Variants in KLF12 observed in about 807,000 individuals in gnomAD.
KLF12 encodes Krueppel-like factor 12.
Under a neutral mutation model 37.8 loss-of-function variants are expected in KLF12, and 9 were observed. The observed-to-expected ratio is 0.24, with a 90% CI of 0.14 to 0.42. The LOEUF is 0.42. KLF12 is among the 10% of genes least tolerant of loss of function. KLF12 has a pLI of 1.00. For missense variants in KLF12, 411 were observed against 516.0 expected, an observed-to-expected ratio of 0.80 and a Z score of 1.97; for synonymous variants, 208 against 202.1, an observed-to-expected ratio of 1.03 and a Z score of -0.25.
At chr13:74,271,812 A>G in the KLF12 span, among the ~76,000 whole-genome samples, 1 of 152,096 alleles carries the variant, frequency 6.6e-6, no homozygotes, top group African/African-American at 2.4e-5. Flanking sequence ...TTTCCCTTCA[A>G]ATGTTTGTCG....
intron 1 of KLF12, among the ~76,000 whole-genome samples, chr13:74,040,009 G>T (rs1234852567): frequency 2.0e-5 from 3 of 152,230 alleles, no homozygotes; most frequent in Non-Finnish European, 4.4e-5. Context: ...CAATCTAGAT[G>T]AAAGTATTCA....
At chr13:73,822,214 A>T (rs1883567531) in intron 4 of KLF12, among the ~76,000 whole-genome samples, 1 of 152,250 alleles carries the variant, frequency 6.6e-6, no homozygotes, top group African/African-American at 2.4e-5. Flanking sequence ...GTGAGAGAAA[A>T]GTCACAATCA....
chr13:74,162,597 C>T, the KLF12 span, among the ~76,000 whole-genome samples: 8 of 152,296 alleles, frequency 5.3e-5, no homozygotes, highest in African/African-American at 1.9e-4. Context: ...TTTCTCTTCT[C>T]TTGTATTTCT....
intron 1 of KLF12, among the ~76,000 whole-genome samples, chr13:74,028,923 T>C (rs1893045227): frequency 6.6e-6 from 1 of 152,082 alleles, no homozygotes; most frequent in Non-Finnish European, 1.5e-5. Context: ...TAAAAAAGGT[T>C]TGCAGTTATC....
At chr13:73,898,696 A>G (rs1191915340) in intron 3 of KLF12, among the ~76,000 whole-genome samples, 1 of 152,176 alleles carries the variant, frequency 6.6e-6, no homozygotes, top group Non-Finnish European at 1.5e-5. Flanking sequence ...TCCCAATAGA[A>G]TCTCTCATAA....
chr13:73,903,197 T>C (rs1888114943), intron 3 of KLF12, among the ~76,000 whole-genome samples: 1 of 152,222 alleles, frequency 6.6e-6, no homozygotes, highest in Non-Finnish European at 1.5e-5. Context: ...TTTTAAGCAA[T>C]GCTGGTTTTT....
Position 74,060,484 on chromosome 13 carries a change from T to TTGTGTGTGTGTG in KLF12, c.-31-65443_-31-65432dup, listed in dbSNP as rs60242793. ...CCGTGGTTAAATGTATACCTAGGTT[T>TTGTGTGTGTGTG]TGTGTGTGTGTGTGTGTGTGTGTGT... is the stretch of plus-strand genomic sequence containing the variant. On this transcript the variant is annotated intron_variant, in intron 1 of 7. Transcript: ENST00000377669. Among the ~76,000 whole-genome samples the TTGTGTGTGTGTG allele has an allele frequency of 2.5e-3, 271 of 108,618 alleles. 3 individuals are homozygous for TTGTGTGTGTGTG. Among genetic ancestry groups the TTGTGTGTGTGTG allele is most frequent in the South Asian group, 4.9e-3 (17 of 3,504 alleles). 71.3% of individuals were successfully genotyped at this position (108,618 alleles called of 152,430 possible).
At chr13:73,786,599 A>T (rs1018551823) in intron 5 of KLF12, among the ~76,000 whole-genome samples, 3 of 151,968 alleles carry the variant, frequency 2.0e-5, no homozygotes, top group African/African-American at 7.2e-5. Flanking sequence ...AGCACAGAAC[A>T]AGGCCAGGTG....
chr13:74,072,364 A>AATTATAT (rs1874302552), intron 1 of KLF12, among the ~76,000 whole-genome samples: 1 of 63,064 alleles, frequency 1.6e-5, no homozygotes, highest in South Asian at 8.0e-4. Flanking sequence ...AAGAAATACA[A>AATTATAT]ATATATATAT....
Position 74,072,364 on chromosome 13 carries a change from AATATATATATATATATATAT to A in KLF12, c.-32+61355_-32+61374del, listed in dbSNP as rs773653636. On this transcript the variant is annotated intron_variant, in intron 1 of 7. Coordinates refer to ENST00000377669, the MANE Select transcript of KLF12 (RefSeq NM_007249.5). The stretch of plus-strand genomic sequence containing the variant: ...ATCTTTTTAAGAATTAAGAAATACA[AATATATATATATATATATAT>A]ATATATATATATATATATATATAAA... 1.2e-3 allele frequency among the ~76,000 whole-genome samples: 74 copies of A among 63,064 alleles called. 4 individuals are homozygous for A. The highest frequency in any genetic ancestry group is 2.7e-3 in the Admixed American group (13 of 4,838). The allele number at this position is 63,064 out of a possible 152,430, so 41.4% of individuals were successfully genotyped here. A position where few individuals can be genotyped will look rare whatever the true frequency, so the allele number is the denominator to read the frequency against.
intron 1 of KLF12, among the ~76,000 whole-genome samples, chr13:74,116,851 C>T (rs1253922677): frequency 6.6e-6 from 1 of 152,064 alleles, no homozygotes; most frequent in Non-Finnish European, 1.5e-5. Flanking sequence ...TAGACTCAAA[C>T]TCTTCAAATA....
At chr13:73,704,158 C>T (rs918823585) in intron 7 of KLF12, among the ~76,000 whole-genome samples, 2 of 152,056 alleles carry the variant, frequency 1.3e-5, no homozygotes, top group South Asian at 2.1e-4. Flanking sequence ...CTTAACTTCT[C>T]GCGTGGCAGG....
At chr13:74,269,683 GC>G in the KLF12 span, among the ~76,000 whole-genome samples, 1 of 152,150 alleles carries the variant, frequency 6.6e-6, no homozygotes, top group South Asian at 2.1e-4. Flanking sequence ...TATTTTTGCT[GC>G]CCAGGAGCTC....
chr13:73,878,109 A>G (rs1594203667), intron 3 of KLF12, among the ~76,000 whole-genome samples: 1 of 152,152 alleles, frequency 6.6e-6, no homozygotes, highest in African/African-American at 2.4e-5. Context: ...CTCCATTGGC[A>G]TCTTCCCTGG....
At chr13:74,080,206 G>A (rs1874798202) in intron 1 of KLF12, among the ~76,000 whole-genome samples, 1 of 152,150 alleles carries the variant, frequency 6.6e-6, no homozygotes, top group African/African-American at 2.4e-5. Flanking sequence ...AGAGGCCAAG[G>A]CTGGAGGATC....
intron 6 of KLF12, among the ~76,000 whole-genome samples, chr13:73,733,755 TGCACCCTTTTACATTCCCACAA>T (rs1460427316): frequency 6.6e-6 from 1 of 152,198 alleles, no homozygotes; most frequent in African/African-American, 2.4e-5. Context: ...GCATGGCTGC[TGCACCCTTTTACATTCCCACAA>T]GCAAAGCACA....
the KLF12 span, among the ~76,000 whole-genome samples, chr13:74,220,889 A>G: frequency 2.8e-4 from 42 of 152,290 alleles, no homozygotes; most frequent in South Asian, 8.7e-3. Context: ...GTGTATATAT[A>G]ATGTCTTCAT....
chr13:74,279,728 G>A, the KLF12 span, among the ~76,000 whole-genome samples: 413 of 152,258 alleles, frequency 2.7e-3, 2 homozygotes, highest in Non-Finnish European at 4.7e-3. Context: ...AACACATCAG[G>A]TGGTTGTCCC....
At chr13:73,892,616 A>G (rs1701356681) in intron 3 of KLF12, among the ~76,000 whole-genome samples, 3 of 152,204 alleles carry the variant, frequency 2.0e-5, no homozygotes, top group Non-Finnish European at 4.4e-5. Flanking sequence ...ATGGCCATCA[A>G]TAAGGAATCT....
Sources: allele counts gnomAD v4.1 joint callset (sites outside exome capture counted in the v4.1 genomes callset), GRCh38; gene constraint gnomAD v4.1.1; transcripts MANE v1.5; gene names NCBI Gene and HGNC (gene_info 2026-07-23, HGNC 2026-07-21).